PRKAR2B: variants seen among roughly 807,000 people sequenced by gnomAD.
The protein encoded by PRKAR2B is protein kinase cAMP-dependent type II regulatory subunit beta.
Under a neutral mutation model 49.9 loss-of-function variants are expected in PRKAR2B, and 14 were observed. That is an observed-to-expected ratio of 0.28 (90% CI 0.19 to 0.44). The LOEUF (loss-of-function observed/expected upper bound fraction) is 0.44. Among genes scored for constraint, PRKAR2B ranks in the 20% least tolerant of loss-of-function variants. The pLI, the probability that PRKAR2B is intolerant of heterozygous loss-of-function variation, is 1.00. For missense variants in PRKAR2B, 393 were observed against 537.9 expected (o/e 0.73, Z 2.67); for synonymous variants, 196 against 197.7 (o/e 0.99, Z 0.07).
chr7:107,123,633 A>G (rs148218202), intron 3 of PRKAR2B, among the ~76,000 whole-genome samples: 1 of 152,236 alleles, frequency 6.6e-6, no homozygotes, highest in East Asian at 1.9e-4. Flanking sequence ...CAAAATTCCA[A>G]TTTCCAAAGA....
chr7:107,095,627 T>C lies in PRKAR2B; in HGVS notation c.343+25311T>C, dbSNP rs184722845. Among the ~76,000 whole-genome samples the C allele has an allele frequency of 4.4e-3, 674 of 152,360 alleles. 6 individuals carry two copies. Among genetic ancestry groups the C allele is most frequent in the African/African-American group, 0.014 (599 of 41,580 alleles). On this transcript the variant is annotated intron_variant, in intron 2 of 10. Coordinates refer to ENST00000265717, the MANE Select transcript of PRKAR2B (RefSeq NM_002736.3). ...CAGTTTTTGCCCATTCAGTATGATA[T>C]TGACTGTGGGTTTGTCCTAGATAGC... is the stretch of plus-strand genomic sequence containing the variant.
chr7:107,057,024 G>C (rs1184228277), intron 1 of PRKAR2B, among the ~76,000 whole-genome samples: 1 of 152,170 alleles, frequency 6.6e-6, no homozygotes, highest in East Asian at 1.9e-4. Context: ...TGAACTCTGT[G>C]CTTAATCTAA....
At chr7:107,071,037 AGTTAAAT>A (rs1227785553) in intron 2 of PRKAR2B, among the ~76,000 whole-genome samples, 1 of 152,232 alleles carries the variant, frequency 6.6e-6, no homozygotes, top group East Asian at 1.9e-4. Flanking sequence ...AAATGGCTTA[AGTTAAAT>A]GAGTTTGGGC....
intron 3 of PRKAR2B, among the ~76,000 whole-genome samples, chr7:107,123,684 G>T (rs1795429161): frequency 6.6e-6 from 1 of 152,154 alleles, no homozygotes; most frequent in Non-Finnish European, 1.5e-5. Flanking sequence ...TAGGGCCAGG[G>T]TCAAAAAGTC....
chr7:107,045,103 G>A lies in PRKAR2B; in HGVS notation c.196G>A (p.Gly66Arg), dbSNP rs1285830362. 8 of 1,526,492 alleles carry A rather than the reference G, an allele frequency of 5.2e-6. No individual in the cohort carries two copies. Among genetic ancestry groups the A allele is most frequent in the African/African-American group, 2.8e-5 (2 of 72,612 alleles). The allele number at this position is 1,526,492 out of a possible 1,614,324, so 94.6% of individuals were successfully genotyped here. Reference sequence around the variant, plus strand: ...CTGGGGGGACCTGGGCGCCGCTGCCGGGGGCGGCACCCCCAGCAAGGGGGT... The same window carrying A: ...CTGGGGGGACCTGGGCGCCGCTGCCAGGGGCGGCACCCCCAGCAAGGGGGT... ...RTWGDLGAAA[G>R]GGTPSKGVNF... Residue 66 changes from glycine (G) to arginine (R), a missense_variant, in exon 1 of 11, where the codon GGG becomes AGG. This residue lies in a region of PRKAR2B where 160 missense variants were observed against 147.6 expected (regional missense o/e 1.08). Coordinates refer to ENST00000265717, the MANE Select transcript of PRKAR2B (RefSeq NM_002736.3).
chr7:107,117,529 A>G (rs368904691), intron 2 of PRKAR2B, among the ~76,000 whole-genome samples: 4 of 152,138 alleles, frequency 2.6e-5, no homozygotes, highest in African/African-American at 7.2e-5. Context: ...AGAGTGTGCA[A>G]GACTCTGCCA....
chr7:107,121,160 A>G (rs1267440166), intron 2 of PRKAR2B, among the ~76,000 whole-genome samples: 1 of 151,930 alleles, frequency 6.6e-6, no homozygotes, highest in Non-Finnish European at 1.5e-5. Context: ...TCCTTCTAGA[A>G]AGAAACATGG....
chr7:107,086,268 G>T (rs1794618459), intron 2 of PRKAR2B, among the ~76,000 whole-genome samples: 1 of 152,008 alleles, frequency 6.6e-6, no homozygotes, highest in South Asian at 2.1e-4. Context: ...CTAGTTGTTT[G>T]ACCTTGAGAG....
Position 107,045,284 on chromosome 7 carries a change from C to A in PRKAR2B, c.307+70C>A. 6.8e-6 allele frequency: 9 copies of A among 1,323,522 alleles called. No individual in the cohort carries two copies. The South Asian group carries it at 1.4e-4, about 21-fold the overall frequency. 82.0% of individuals were successfully genotyped at this position (1,323,522 alleles called of 1,614,324 possible). A position where few individuals can be genotyped will look rare whatever the true frequency, so the allele number is the denominator to read the frequency against. On this transcript the variant is annotated intron_variant, in intron 1 of 10. Coordinates refer to ENST00000265717, the MANE Select transcript of PRKAR2B (RefSeq NM_002736.3). ...GCCCCCCACCGCTCCCCGCTGTGCT[C>A]TCGGATCTTGCCGCTTTGCGCACCC...
chr7:107,108,631 T>A (rs998851257), intron 2 of PRKAR2B, among the ~76,000 whole-genome samples: 3 of 152,126 alleles, frequency 2.0e-5, no homozygotes, highest in Non-Finnish European at 4.4e-5. Context: ...TGGGTGAAGG[T>A]TTCCCTCAGT....
intron 4 of PRKAR2B, chr7:107,128,751 G>C (rs911812944): frequency 4.1e-5 from 6 of 145,924 alleles, no homozygotes; most frequent in Non-Finnish European, 9.0e-5. Context: ...GTATTATACA[G>C]ATTAAAAGTA....
chr7:107,141,411 C>T lies in PRKAR2B; in HGVS notation c.587+458C>T, dbSNP rs539081739. Among the ~76,000 whole-genome samples, 28 of 152,232 alleles carry T rather than the reference C, an allele frequency of 1.8e-4. No homozygotes were observed. In the East Asian group the frequency reaches 3.5e-3, roughly 19 times the overall value. On this transcript the variant is annotated intron_variant, in intron 5 of 10. Coordinates refer to ENST00000265717, the MANE Select transcript of PRKAR2B (RefSeq NM_002736.3). The stretch of plus-strand genomic sequence containing the variant: ...CATGGTTTAAAAAATTCAAAATTGG[C>T]GGAGTGTGGCGGCTCAGGCCTGCAA...
chr7:107,091,655 A>C (rs568197916), intron 2 of PRKAR2B: 2 of 152,346 alleles, frequency 1.3e-5, no homozygotes, highest in East Asian at 3.9e-4. Flanking sequence ...ATGGCGTCTA[A>C]ATACAAGTCA....
At chr7:107,048,652 A>T (rs1793746374) in intron 1 of PRKAR2B, among the ~76,000 whole-genome samples, 1 of 152,206 alleles carries the variant, frequency 6.6e-6, no homozygotes, top group Non-Finnish European at 1.5e-5. Flanking sequence ...TTGTCTGGCC[A>T]GGGGTCGGTG....
In PRKAR2B at chr7:107,051,560, A is replaced by G. The variant is rs376924126; in HGVS notation, c.307+6346A>G. Among the ~76,000 whole-genome samples the G allele has an allele frequency of 2.1e-4, 32 of 152,364 alleles. No individual in the cohort carries two copies. In the East Asian group the frequency reaches 3.9e-3, roughly 18 times the overall value. ...AGCGAATTTTGTGCTTCACAAATTC[A>G]AAATGACTCAGACGGTTTCATTATG... is the stretch of plus-strand genomic sequence containing the variant. On this transcript the variant is annotated intron_variant, in intron 1 of 10. Coordinates refer to ENST00000265717, the MANE Select transcript of PRKAR2B (RefSeq NM_002736.3).
At chr7:107,084,549 C>T (rs1794578935) in intron 2 of PRKAR2B, among the ~76,000 whole-genome samples, 1 of 151,570 alleles carries the variant, frequency 6.6e-6, no homozygotes, top group Non-Finnish European at 1.5e-5. Context: ...TTTGTTTCTC[C>T]CTGGATCAGG....
chr7:107,047,536 A>T lies in PRKAR2B; in HGVS notation c.307+2322A>T, dbSNP rs555189048. 4.7e-5 allele frequency among the ~76,000 whole-genome samples: 7 copies of T among 149,756 alleles called. No individual in the cohort carries two copies. The South Asian group carries it at 1.1e-3, about 23-fold the overall frequency. ...AGCTTGCCGACCCCTGGTTAGAAGA[A>T]AAAAAAAAAAGTCAAAATAGTACCA... On this transcript the variant is annotated intron_variant, in intron 1 of 10. Coordinates refer to ENST00000265717, the MANE Select transcript of PRKAR2B (RefSeq NM_002736.3).
At chr7:107,046,797 G>T (rs1196143354) in intron 1 of PRKAR2B, among the ~76,000 whole-genome samples, 1 of 151,874 alleles carries the variant, frequency 6.6e-6, no homozygotes, top group Non-Finnish European at 1.5e-5. Flanking sequence ...TCCCAGGTTG[G>T]AGAAAACTAG....
Position 107,045,230 on chromosome 7 carries a change from C to A in PRKAR2B, c.307+16C>A. On this transcript the variant is annotated intron_variant, in intron 1 of 10. Coordinates refer to ENST00000265717, the MANE Select transcript of PRKAR2B (RefSeq NM_002736.3). ...GCGTTCAATGGTGAGGACCAGACCCCCCACTTCGCGCCCCCGGATCCCCTC... is the reference window on the plus strand; with the variant it reads ...GCGTTCAATGGTGAGGACCAGACCCACCACTTCGCGCCCCCGGATCCCCTC... 1 of 1,404,530 alleles carries A rather than the reference C, an allele frequency of 7.1e-7. No individual in the cohort carries two copies. The highest frequency in any genetic ancestry group is 2.8e-5 in the East Asian group (1 of 35,456). 87.0% of individuals were successfully genotyped at this position (1,404,530 alleles called of 1,614,324 possible).
Sources: allele counts gnomAD v4.1 joint callset (sites outside exome capture counted in the v4.1 genomes callset), GRCh38; gene constraint gnomAD v4.1.1; regional missense constraint gnomAD v4.1.1; transcripts MANE v1.5; gene names NCBI Gene and HGNC (gene_info 2026-07-23, HGNC 2026-07-21).